The following MICU2 variants were observed in gnomAD, a reference collection of about 807,000 sequenced individuals.
The protein encoded by MICU2 is calcium uptake protein 2, mitochondrial.
Under a neutral mutation model 60.4 loss-of-function variants are expected in MICU2, and 64 were observed. The observed-to-expected ratio is 1.06, with a 90% confidence interval of 0.87 to 1.31. MICU2 has a LOEUF of 1.31. Ranked by LOEUF, MICU2 falls within the 50% of genes most tolerant of loss-of-function variation. The pLI, the probability that MICU2 is intolerant of heterozygous loss-of-function variation, is 0.00. For synonymous variants in MICU2, 201 were observed against 175.0 expected, an observed-to-expected ratio of 1.15 and a Z score of -1.17; for missense variants, 569 against 531.0, an observed-to-expected ratio of 1.07 and a Z score of -0.70.
intron 1 of MICU2, among the ~76,000 whole-genome samples, chr13:21,571,035 CT>C (rs1888095808): frequency 6.6e-6 from 1 of 152,028 alleles, no homozygotes; most frequent in Non-Finnish European, 1.5e-5. Flanking sequence ...TGTGCTTTTC[CT>C]GGTAACGTGT....
intron 1 of MICU2, among the ~76,000 whole-genome samples, chr13:21,598,937 G>C (rs988000027): frequency 6.6e-6 from 1 of 152,108 alleles, no homozygotes; most frequent in South Asian, 2.1e-4. Flanking sequence ...GTTAGGAACC[G>C]GACCACACAA....
In MICU2 at chr13:21,525,592, TC is replaced by T. The variant is rs1414314685; in HGVS notation, c.467-2943del. On this transcript the variant is annotated intron_variant, in intron 4 of 11. Coordinates refer to ENST00000382374, the MANE Select transcript of MICU2 (RefSeq NM_152726.3). Reference sequence around the variant, plus strand: ...CTCCACATCCTCAACGCTTGTATTTTCTTTTTTTTTTTAACTGCCAACCTAA... The same window carrying T: ...CTCCACATCCTCAACGCTTGTATTTTTTTTTTTTTTTAACTGCCAACCTAA... Among the ~76,000 whole-genome samples the T allele has an allele frequency of 1.7e-3, 251 of 151,984 alleles. 3 individuals are homozygous for T. Among genetic ancestry groups the T allele is most frequent in the African/African-American group, 5.9e-3 (243 of 41,482 alleles).
At chr13:21,597,930 C>CA (rs11428461) in intron 1 of MICU2, among the ~76,000 whole-genome samples, 60,860 of 84,458 alleles carry the variant, frequency 0.72, 21,619 homozygotes, top group East Asian at 0.96. Context: ...GACTCTGTCT[C>CA]AAAAAAAAAA....
chr13:21,585,866 A>G (rs1375994445), intron 1 of MICU2, among the ~76,000 whole-genome samples: 1 of 152,226 alleles, frequency 6.6e-6, no homozygotes, highest in Non-Finnish European at 1.5e-5. Context: ...TGAGTTCAAA[A>G]TATGAATTTA....
intron 1 of MICU2, among the ~76,000 whole-genome samples, chr13:21,588,938 A>G (rs1307818536): frequency 6.6e-6 from 1 of 152,216 alleles, no homozygotes; most frequent in East Asian, 1.9e-4. Context: ...GATTAGATAA[A>G]CCACATCTAC....
intron 2 of MICU2, among the ~76,000 whole-genome samples, chr13:21,546,848 G>A (rs905001533): frequency 2.0e-5 from 3 of 152,190 alleles, no homozygotes; most frequent in Non-Finnish European, 4.4e-5. Context: ...TCAATCCTGT[G>A]ACCCTGATAA....
At chr13:21,555,633 A>G (rs1390537976) in intron 2 of MICU2, among the ~76,000 whole-genome samples, 1 of 152,184 alleles carries the variant, frequency 6.6e-6, no homozygotes, top group Non-Finnish European at 1.5e-5. Flanking sequence ...TTCAGAATTA[A>G]TAACTTCAAG....
At chr13:21,504,029 G>C (rs1886239244) in intron 8 of MICU2, among the ~76,000 whole-genome samples, 1 of 152,002 alleles carries the variant, frequency 6.6e-6, no homozygotes, top group Admixed American at 6.6e-5. Context: ...TGAAGGAGGA[G>C]TTTGATCTTA....
At chr13:21,537,883 C>T (rs1475165203) in intron 4 of MICU2, among the ~76,000 whole-genome samples, 1 of 152,128 alleles carries the variant, frequency 6.6e-6, no homozygotes, top group South Asian at 2.1e-4. Context: ...ATTTGTTCAC[C>T]CTTTTCTCCT....
intron 6 of MICU2, chr13:21,515,667 A>AT (rs1426604312): frequency 4.8e-5 from 14 of 294,648 alleles, no homozygotes; most frequent in East Asian, 2.5e-4. Context: ...ACCTCTATCC[A>AT]TTTTTTTCTG....
At chr13:21,600,265 C>T (rs757173452) in intron 1 of MICU2, among the ~76,000 whole-genome samples, 6 of 152,186 alleles carry the variant, frequency 3.9e-5, no homozygotes, top group Admixed American at 1.3e-4. Flanking sequence ...AGCTCTTACT[C>T]TGCTGAGTCC....
chr13:21,554,839 T>C (rs1887663259), intron 2 of MICU2, among the ~76,000 whole-genome samples: 1 of 151,898 alleles, frequency 6.6e-6, no homozygotes, highest in Non-Finnish European at 1.5e-5. Context: ...AAAGGGGATA[T>C]CACCACCGAC....
At chr13:21,538,933 CT>C (rs1887205475) in intron 4 of MICU2, among the ~76,000 whole-genome samples, 1 of 152,070 alleles carries the variant, frequency 6.6e-6, no homozygotes. Flanking sequence ...GATAAGTTCC[CT>C]TTTTCTTTAA....
intron 1 of MICU2, among the ~76,000 whole-genome samples, chr13:21,583,609 T>G (rs560973964): frequency 8.5e-5 from 13 of 152,330 alleles, no homozygotes; most frequent in Non-Finnish European, 1.5e-4. Context: ...TTCCTGTTTT[T>G]CCTTTGCAGT....
chr13:21,494,134 T>C (rs538093992), intron 11 of MICU2, among the ~76,000 whole-genome samples: 8 of 152,308 alleles, frequency 5.3e-5, no homozygotes, highest in East Asian at 3.9e-4. Flanking sequence ...TTTATGGGTG[T>C]TGGATAACTG....
chr13:21,536,018 C>T (rs556646404), intron 4 of MICU2, among the ~76,000 whole-genome samples: 1 of 152,210 alleles, frequency 6.6e-6, no homozygotes, highest in Non-Finnish European at 1.5e-5. Flanking sequence ...TACTACATTC[C>T]AGTAAATTCC....
intron 4 of MICU2, among the ~76,000 whole-genome samples, chr13:21,533,731 C>CTT (rs1001404083): frequency 5.6e-4 from 85 of 152,078 alleles, no homozygotes; most frequent in African/African-American, 2.0e-3. Flanking sequence ...TTTGAAATAA[C>CTT]TGTATACCAC....
intron 4 of MICU2, among the ~76,000 whole-genome samples, chr13:21,524,365 A>C (rs1040858422): frequency 1.7e-4 from 26 of 151,380 alleles, no homozygotes; most frequent in African/African-American, 5.9e-4. Context: ...GATTATTTTG[A>C]AACAAAACCC....
intron 8 of MICU2, among the ~76,000 whole-genome samples, chr13:21,509,744 C>T (rs1218156600): frequency 6.6e-6 from 1 of 152,188 alleles, no homozygotes; most frequent in African/African-American, 2.4e-5. Context: ...TTGTTGCAAA[C>T]ATTAAGTTAC....
Sources: gnomAD v4.1 joint callset for allele counts (sites outside exome capture counted in the v4.1 genomes callset) on GRCh38, gnomAD v4.1.1 for gene constraint, MANE v1.5 for transcripts, NCBI Gene and HGNC (gene_info 2026-07-23, HGNC 2026-07-21) for gene names.